PHF10: variants seen among roughly 807,000 people sequenced by gnomAD.
PHF10 encodes PHD finger protein 10, also known as BRG1-associated factor 45a.
In PHF10, 51 loss-of-function variants were observed where a neutral mutation model predicts 68.5. That is an observed-to-expected ratio of 0.74 (90% CI 0.59 to 0.94). PHF10 has a LOEUF of 0.94. PHF10 is among the 40% of genes least tolerant of loss of function. PHF10 has a pLI of 0.00. For missense variants in PHF10, 460 were observed against 602.6 expected (o/e 0.76, Z 2.48); for synonymous variants, 204 against 203.5 (o/e 1.00, Z -0.02).
At chr6:169,712,587 A>G (rs746029481) in intron 7 of PHF10, 48 bp from the exon 8 acceptor site, 4 of 1,512,730 alleles carry the variant, frequency 2.6e-6, no homozygotes, top group Non-Finnish European at 3.6e-6. Context: ...TATTAAATAT[A>G]AACAGACTCA....
At chr6:169,712,608 A>G (rs1339977397) in intron 7 of PHF10, 69 bp from the exon 8 acceptor site, 1 of 1,359,376 alleles carries the variant, frequency 7.4e-7, no homozygotes, top group Non-Finnish European at 1.0e-6. Flanking sequence ...TCTTTGACCT[A>G]TGAAGATAGC....
intron 4 of PHF10, 34 bp downstream of exon 4, chr6:169,717,789 G>T: frequency 1.1e-6 from 1 of 893,746 alleles, no homozygotes; most frequent in Non-Finnish European, 1.8e-6. Context: ...TAAATGTTCA[G>T]CTTGAAAAAT....
intron 2 of PHF10, among the ~76,000 whole-genome samples, chr6:169,720,179 T>C (rs1221112970): frequency 6.6e-6 from 1 of 152,176 alleles, no homozygotes; most frequent in African/African-American, 2.4e-5. Flanking sequence ...TGGTGAGAAA[T>C]ATGAAGAAAC....
intron 9 of PHF10, chr6:169,708,071 T>C (rs2128329132): frequency 6.6e-6 from 1 of 152,300 alleles, no homozygotes; most frequent in Admixed American, 6.5e-5. Context: ...GTGTGTCTGG[T>C]TTAGACAATC....
intron 2 of PHF10, among the ~76,000 whole-genome samples, chr6:169,719,992 A>C (rs1480658650): frequency 6.6e-6 from 1 of 151,984 alleles, no homozygotes. Flanking sequence ...CCCCAAATAA[A>C]AAATGGACAA....
chr6:169,705,608 ATACT>A lies in PHF10; in HGVS notation c.1222+4_1222+7del. On this transcript the variant is annotated splice_donor_5th_base_variant and intron_variant, in intron 10 of 11. Coordinates refer to ENST00000339209, the MANE Select transcript of PHF10 (RefSeq NM_018288.4). Reference sequence around the variant, plus strand: ...GTTAAAATTTTAAAAAGACATTTCAATACTTACCACTATTCTCACATTGGGAGCA... The same window carrying A: ...GTTAAAATTTTAAAAAGACATTTCAATACCACTATTCTCACATTGGGAGCA... The A allele has an allele frequency of 7.8e-7, 1 of 1,280,076 alleles. No individual in the cohort carries two copies. Among genetic ancestry groups the A allele is most frequent in the Non-Finnish European group, 1.1e-6 (1 of 876,066 alleles). The allele number at this position is 1,280,076 out of a possible 1,614,324, so 79.3% of individuals were successfully genotyped here.
At chr6:169,707,174 T>A (rs1380632931) in intron 9 of PHF10, 1 of 151,974 alleles carries the variant, frequency 6.6e-6, no homozygotes, top group African/African-American at 2.4e-5. Flanking sequence ...ACTTTACTAT[T>A]AAACTAATCT....
intron 7 of PHF10, among the ~76,000 whole-genome samples, chr6:169,712,745 T>C (rs141965998): frequency 1.2e-3 from 190 of 152,300 alleles, no homozygotes; most frequent in African/African-American, 4.4e-3. Flanking sequence ...AATATGCATT[T>C]GATTCTTACT....
Position 169,714,806 on chromosome 6 carries a change from G to A in PHF10, c.730C>T (p.Pro244Ser). Reference protein sequence around the residue: ...QVPQGKYKVLPTERTKVSSYP... With the variant: ...QVPQGKYKVLSTERTKVSSYP... ...GAACTGACCTTTGTTCGCTCTGTTG[G>A]CAAAACTTTGTACTTCCCTTGAGGT... The change falls in exon 7 of 12, where the codon CCA becomes TCA. Residue 244 changes from proline (P) to serine (S), a missense_variant. Physicochemically the swap from Pro to Ser is moderately conservative, Grantham distance 74. Around this residue, in one of 3 missense-constraint regions of PHF10, gnomAD observed 256 missense variants for 410.5 expected, o/e 0.62. Coordinates refer to ENST00000339209, the MANE Select transcript of PHF10 (RefSeq NM_018288.4). 6.2e-7 allele frequency: 1 copy of A among 1,602,496 alleles called. No individual in the cohort carries two copies. The highest frequency in any genetic ancestry group is 8.6e-7 in the Non-Finnish European group (1 of 1,169,490).
At chr6:169,705,857 C>T (rs2128328654) in intron 9 of PHF10, 133 bp from the exon 10 acceptor site, 2 of 639,104 alleles carry the variant, frequency 3.1e-6, no homozygotes, top group South Asian at 3.7e-5. Flanking sequence ...AAAGACAAAA[C>T]TTGACAGGAG....
intron 1 of PHF10, among the ~76,000 whole-genome samples, chr6:169,722,969 CT>C (rs1479780272): frequency 1.3e-5 from 2 of 152,164 alleles, no homozygotes; most frequent in African/African-American, 2.4e-5. Flanking sequence ...TGACGACAGC[CT>C]TTGAGGAACC....
chr6:169,716,745 T>C (rs1789057314), intron 4 of PHF10, among the ~76,000 whole-genome samples: 2 of 152,196 alleles, frequency 1.3e-5, no homozygotes, highest in South Asian at 4.1e-4. Context: ...TCTCGCCATC[T>C]TGCCCAGGCT....
chr6:169,710,048 C>G, intron 9 of PHF10, 188 bp downstream of exon 9: 1 of 458,806 alleles, frequency 2.2e-6, no homozygotes, highest in Non-Finnish European at 3.9e-6. Flanking sequence ...TAAACCATAG[C>G]CAAAAGTGAC....
chr6:169,706,409 A>G (rs1278878303), intron 9 of PHF10, among the ~76,000 whole-genome samples: 1 of 152,198 alleles, frequency 6.6e-6, no homozygotes, highest in Non-Finnish European at 1.5e-5. Context: ...GTTTTCAGAC[A>G]AGCAAAAAAA....
chr6:169,723,946 C>G lies in PHF10; in HGVS notation c.-15G>C. ...GCCGCCGCCATCAGCCCGAGCGCCC[C>G]GCGCCGCCGCCGCCGCCGTCGCCTC... On this transcript the variant is annotated 5_prime_UTR_variant, in exon 1 of 12. Coordinates refer to ENST00000339209, the MANE Select transcript of PHF10 (RefSeq NM_018288.4). 1 of 893,702 alleles carries G rather than the reference C, an allele frequency of 1.1e-6. No individual in the cohort carries two copies. The highest frequency in any genetic ancestry group is 1.3e-6 in the Non-Finnish European group (1 of 745,326). The allele number at this position is 893,702 out of a possible 1,614,324, so 55.4% of individuals were successfully genotyped here.
chr6:169,710,332 A>C lies in PHF10; in HGVS notation c.1017T>G (p.Ser339=). The change falls in exon 9 of 12, where the codon TCT becomes TCG. Residue 339 remains serine, a synonymous_variant. Transcript: ENST00000339209. ...GESPPDSQED[S]FQGRQKSKDK... ...CTTTTGATTTCTGTCTTCCCTGGAA[A>C]GAGTCCTCCTGGCTGTCAGGAGGGC... 6.2e-7 allele frequency: 1 copy of C among 1,612,418 alleles called. No individual in the cohort carries two copies. The highest frequency in any genetic ancestry group is 8.5e-7 in the Non-Finnish European group (1 of 1,178,482).
intron 8 of PHF10, 68 bp downstream of exon 8, chr6:169,712,318 C>A (rs1334389597): frequency 5.9e-6 from 8 of 1,346,046 alleles, no homozygotes; most frequent in Non-Finnish European, 7.4e-6. Flanking sequence ...AGGGTGATGA[C>A]AGAAATTCAA....
intron 6 of PHF10, among the ~76,000 whole-genome samples, chr6:169,715,263 C>T (rs1285154224): frequency 6.6e-6 from 1 of 152,100 alleles, no homozygotes; most frequent in Non-Finnish European, 1.5e-5. Flanking sequence ...GAATTATTAA[C>T]CGTAAAGCAA....
chr6:169,714,080 T>C (rs1788988844), intron 7 of PHF10, among the ~76,000 whole-genome samples: 1 of 150,524 alleles, frequency 6.6e-6, no homozygotes, highest in East Asian at 2.0e-4. Flanking sequence ...GAAATCACAC[T>C]ACCACACTCC....
Sources: allele counts gnomAD v4.1 joint callset (sites outside exome capture counted in the v4.1 genomes callset), GRCh38; gene constraint gnomAD v4.1.1; regional missense constraint gnomAD v4.1.1; transcripts MANE v1.5; gene names NCBI Gene and HGNC (gene_info 2026-07-23, HGNC 2026-07-21).